HPSE2: variants seen among roughly 807,000 people sequenced by gnomAD.
HPSE2 encodes the protein inactive heparanase-2.
A neutral mutation model predicts 60.5 loss-of-function variants in HPSE2; 38 were observed. The observed-to-expected ratio is 0.63, with a 90% CI of 0.48 to 0.82. The LOEUF (loss-of-function observed/expected upper bound fraction) is 0.82. Ranked by LOEUF, HPSE2 falls within the 40% of genes least tolerant of loss-of-function variation. The pLI is 0.00. For synonymous variants in HPSE2, 295 were observed against 293.2 expected (o/e 1.01, Z -0.06); for missense variants, 713 against 740.4 (o/e 0.96, Z 0.43).
chr10:98,820,027 T>TA lies in HPSE2; in HGVS notation c.611-75972dup, dbSNP rs1267648115. Among the ~76,000 whole-genome samples the TA allele has an allele frequency of 1.3e-5, 2 of 152,192 alleles. 1 individual carries two copies. The highest frequency in any genetic ancestry group is 1.3e-4 in the Admixed American group (2 of 15,268). On this transcript the variant is annotated intron_variant, in intron 3 of 11. Coordinates refer to ENST00000370552, the MANE Select transcript of HPSE2 (RefSeq NM_021828.5). ...ACAGAATGTAAATTTTATAGTGACA[T>TA]ACTTTTATATTACTTTTTTAAAAAA...
At chr10:98,950,015 C>T (rs1240982711) in intron 3 of HPSE2, among the ~76,000 whole-genome samples, 1 of 152,128 alleles carries the variant, frequency 6.6e-6, no homozygotes, top group Non-Finnish European at 1.5e-5. Context: ...TCTTCAGGAA[C>T]AGCTGATTCC....
chr10:98,758,940 G>A (rs1428144190), intron 3 of HPSE2, among the ~76,000 whole-genome samples: 2 of 152,152 alleles, frequency 1.3e-5, no homozygotes, highest in South Asian at 2.1e-4. Context: ...CAACCTAAAT[G>A]CCCATCAATG....
intron 3 of HPSE2, among the ~76,000 whole-genome samples, chr10:98,986,952 G>C (rs1956373990): frequency 6.6e-6 from 1 of 152,114 alleles, no homozygotes; most frequent in Non-Finnish European, 1.5e-5. Flanking sequence ...GGAAGAAGCT[G>C]AGTCTCTGAA....
At chr10:98,577,661 T>G (rs1343130059) in intron 9 of HPSE2, among the ~76,000 whole-genome samples, 3 of 152,182 alleles carry the variant, frequency 2.0e-5, no homozygotes, top group Admixed American at 6.5e-5. Flanking sequence ...CTCATCAGGT[T>G]AGTTTGGTGG....
chr10:99,277,093 T>G, the HPSE2 span, among the ~76,000 whole-genome samples: 2 of 152,188 alleles, frequency 1.3e-5, no homozygotes, highest in African/African-American at 4.8e-5. Context: ...ACAGGGAAAC[T>G]ACTTAAGGCA....
intron 3 of HPSE2, among the ~76,000 whole-genome samples, chr10:98,776,965 T>C (rs984702584): frequency 6.6e-5 from 10 of 152,274 alleles, no homozygotes; most frequent in African/African-American, 2.4e-4. Context: ...ACATAGGTGA[T>C]AGAGAGAAAA....
At chr10:98,591,681 T>TAAAATA (rs78228889) in intron 9 of HPSE2, among the ~76,000 whole-genome samples, 22 of 151,224 alleles carry the variant, frequency 1.5e-4, no homozygotes, top group South Asian at 4.2e-4. Context: ...TAAAATAAAA[T>TAAAATA]AAATAAATAA....
intron 3 of HPSE2, among the ~76,000 whole-genome samples, chr10:98,938,109 C>A (rs1163658073): frequency 7.0e-6 from 1 of 142,958 alleles, no homozygotes; most frequent in East Asian, 2.0e-4. Context: ...CATCAAAGAC[C>A]AAAAGTAGAT....
intron 3 of HPSE2, among the ~76,000 whole-genome samples, chr10:98,824,652 T>A (rs1951501309): frequency 6.6e-6 from 1 of 152,212 alleles, no homozygotes; most frequent in African/African-American, 2.4e-5. Flanking sequence ...ATTCTGCTTA[T>A]CCTACTAAAA....
At chr10:98,878,304 T>C (rs1952931625) in intron 3 of HPSE2, among the ~76,000 whole-genome samples, 1 of 151,940 alleles carries the variant, frequency 6.6e-6, no homozygotes, top group African/African-American at 2.4e-5. Context: ...AAAGGCCTCC[T>C]TGAGGAAATG....
chr10:98,904,275 GA>G (rs1352394196), intron 3 of HPSE2, among the ~76,000 whole-genome samples: 1 of 151,698 alleles, frequency 6.6e-6, no homozygotes, highest in African/African-American at 2.4e-5. Flanking sequence ...GTTTTTGGGG[GA>G]AAAAAAGGAA....
intron 3 of HPSE2, among the ~76,000 whole-genome samples, chr10:98,762,882 A>G (rs976383248): frequency 6.6e-6 from 1 of 152,186 alleles, no homozygotes; most frequent in Non-Finnish European, 1.5e-5. Context: ...TGATCCAGAC[A>G]TTGTATTATC....
intron 3 of HPSE2, among the ~76,000 whole-genome samples, chr10:98,871,760 G>A (rs1428635268): frequency 6.6e-6 from 1 of 151,980 alleles, no homozygotes; most frequent in African/African-American, 2.4e-5. Flanking sequence ...ACTACTAGAG[G>A]AAAGCAGGTA....
At chr10:98,548,478 G>A (rs150769130) in intron 9 of HPSE2, among the ~76,000 whole-genome samples, 147 of 152,220 alleles carry the variant, frequency 9.7e-4, no homozygotes, top group African/African-American at 2.8e-3. Flanking sequence ...TTAGCTGGGC[G>A]TAGTGGTGTG....
intron 5 of HPSE2, among the ~76,000 whole-genome samples, chr10:98,716,765 G>A (rs1485870555): frequency 6.6e-6 from 1 of 152,086 alleles, no homozygotes; most frequent in African/African-American, 2.4e-5. Context: ...GAGCTCTTGG[G>A]TGACCAGGCA....
chr10:98,776,615 T>A (rs544128964), intron 3 of HPSE2, among the ~76,000 whole-genome samples: 2 of 152,246 alleles, frequency 1.3e-5, no homozygotes, highest in Admixed American at 6.5e-5. Context: ...CTTAAAAAAA[T>A]GTCAATGTCA....
chr10:99,265,519 C>A, the HPSE2 span, among the ~76,000 whole-genome samples: 5 of 152,192 alleles, frequency 3.3e-5, no homozygotes, highest in Non-Finnish European at 7.3e-5. Flanking sequence ...ATCAGTGCAG[C>A]AAACCACCAT....
At chr10:98,632,911 A>G (rs755117757) in intron 7 of HPSE2, among the ~76,000 whole-genome samples, 1 of 152,114 alleles carries the variant, frequency 6.6e-6, no homozygotes, top group Non-Finnish European at 1.5e-5. Flanking sequence ...AGTACGGGTG[A>G]CCCTTAAACG....
intron 2 of HPSE2, among the ~76,000 whole-genome samples, chr10:99,192,495 C>T (rs917417041): frequency 2.6e-5 from 4 of 152,078 alleles, no homozygotes; most frequent in African/African-American, 7.2e-5. Flanking sequence ...GGAGTGCAGT[C>T]GCACAATCAC....
Sources: gnomAD v4.1 joint callset for allele counts (sites outside exome capture counted in the v4.1 genomes callset) on GRCh38, gnomAD v4.1.1 for gene constraint, MANE v1.5 for transcripts, NCBI Gene and HGNC (gene_info 2026-07-23, HGNC 2026-07-21) for gene names.